BRAF: variants seen among roughly 807,000 people sequenced by gnomAD.
BRAF encodes the protein serine/threonine-protein kinase B-raf.
Under a neutral mutation model 104.6 loss-of-function variants are expected in BRAF, and 16 were observed. That is an observed-to-expected ratio of 0.15 (90% CI 0.10 to 0.23). The LOEUF is 0.23. Among genes scored for constraint, BRAF ranks in the 10% least tolerant of loss-of-function variants. BRAF has a pLI of 1.00. For synonymous variants in BRAF, 310 were observed against 341.6 expected (o/e 0.91, Z 1.02); for missense variants, 541 against 937.3 (o/e 0.58, Z 5.52).
chr7:140,756,054 G>T (rs1257048695), intron 14 of BRAF, among the ~76,000 whole-genome samples: 1 of 152,066 alleles, frequency 6.6e-6, no homozygotes, highest in Non-Finnish European at 1.5e-5. Flanking sequence ...GAGGAATATA[G>T]CAAGAATAGA....
chr7:140,855,053 T>A (rs1253231032), intron 1 of BRAF, among the ~76,000 whole-genome samples: 1 of 152,090 alleles, frequency 6.6e-6, no homozygotes, highest in Admixed American at 6.6e-5. Flanking sequence ...TAATTTTATA[T>A]CCGAAGAATA....
chr7:140,776,586 T>C (rs968738275), intron 14 of BRAF, among the ~76,000 whole-genome samples: 2 of 152,234 alleles, frequency 1.3e-5, no homozygotes, highest in Non-Finnish European at 2.9e-5. Flanking sequence ...CCATTCTGTT[T>C]ACTTGCACAA....
At position 140,724,320 on chromosome 7, in the gene BRAF, A is replaced by G; in HGVS notation, c.*2174T>C. On this transcript the variant is annotated 3_prime_UTR_variant, in exon 20 of 20. Transcript: ENST00000644969. ...AGGTCTCTCTACCTGCGGAAACTTG[A>G]AGCCAATCTTGGTAAAGGGAACACA... 9.5e-7 allele frequency: 1 copy of G among 1,056,246 alleles called. No individual in the cohort carries two copies. The highest frequency in any genetic ancestry group is 1.1e-6 in the Non-Finnish European group (1 of 873,630). The allele number at this position is 1,056,246 out of a possible 1,614,324, so 65.4% of individuals were successfully genotyped here. A position where few individuals can be genotyped will look rare whatever the true frequency, so the allele number is the denominator to read the frequency against.
Position 140,724,191 on chromosome 7 carries a change from A to T in BRAF, c.*2303T>A. ...ACTGAAATGCTAAGCTTCCTCCCTA[A>T]TGGTACCGCCCCTGCCCCTGCCCCA... On this transcript the variant is annotated 3_prime_UTR_variant, in exon 20 of 20. Coordinates refer to ENST00000644969, the MANE Select transcript of BRAF (RefSeq NM_001374258.1). The T allele has an allele frequency of 1.0e-5, 11 of 1,055,726 alleles. No homozygotes were observed. The highest frequency in any genetic ancestry group is 1.3e-5 in the Non-Finnish European group (11 of 873,340). 65.4% of individuals were successfully genotyped at this position (1,055,726 alleles called of 1,614,324 possible).
intron 8 of BRAF, among the ~76,000 whole-genome samples, 172 bp downstream of exon 8, chr7:140,794,136 T>C (rs1321501746): frequency 2.6e-5 from 4 of 152,192 alleles, no homozygotes; most frequent in African/African-American, 9.7e-5. Context: ...TTTAATGTCA[T>C]CAGAGAGAAA....
chr7:140,799,260 T>A, intron 7 of BRAF: 1 of 232,002 alleles, frequency 4.3e-6, no homozygotes, highest in Non-Finnish European at 8.5e-6. Flanking sequence ...TTTTCCATAC[T>A]TCTAGCACTT....
intron 1 of BRAF, among the ~76,000 whole-genome samples, 167 bp from the exon 2 acceptor site, chr7:140,850,379 A>AT (rs1562994611): frequency 6.6e-6 from 1 of 152,104 alleles, no homozygotes; most frequent in African/African-American, 2.4e-5. Context: ...ACATCTTTAA[A>AT]TTTTTTTCTA....
At chr7:140,923,764 G>T (rs995268467) in intron 1 of BRAF, among the ~76,000 whole-genome samples, 1 of 152,178 alleles carries the variant, frequency 6.6e-6, no homozygotes, top group South Asian at 2.1e-4. Context: ...GTGAGATCAA[G>T]TACAGAGCCT....
rs1795606876 is a variant in BRAF at position 140,726,555 on chromosome 7, T to C, written c.2402-39A>G. 2.7e-6 allele frequency: 4 copies of C among 1,480,760 alleles called. No individual in the cohort carries two copies. The African/African-American group carries it at 4.2e-5, about 15-fold the overall frequency. The allele number at this position is 1,480,760 out of a possible 1,614,324, so 91.7% of individuals were successfully genotyped here. ...ACAAGAGCTAATTTTAAAAAAGTCA[T>C]CTCAAATAACCTAGAGACACAGAAA... On this transcript the variant is annotated intron_variant, in intron 19 of 19. Coordinates refer to ENST00000644969, the MANE Select transcript of BRAF (RefSeq NM_001374258.1).
chr7:140,852,376 A>C (rs1267607), intron 1 of BRAF, among the ~76,000 whole-genome samples: 1 of 144,400 alleles, frequency 6.9e-6, no homozygotes, highest in Admixed American at 6.9e-5. Flanking sequence ...TTCTACCGCC[A>C]CCCCACAACC....
At chr7:140,792,363 T>C (rs1032621924) in intron 8 of BRAF, among the ~76,000 whole-genome samples, 2 of 152,226 alleles carry the variant, frequency 1.3e-5, no homozygotes, top group African/African-American at 2.4e-5. Context: ...TCCCTAGCAC[T>C]GCTTTAGATT....
chr7:140,747,950 C>T (rs1321221261), intron 17 of BRAF, among the ~76,000 whole-genome samples: 4 of 152,198 alleles, frequency 2.6e-5, no homozygotes, highest in African/African-American at 4.8e-5. Context: ...TGTTGTTACA[C>T]ACTCAAAGCT....
chr7:140,889,082 C>T (rs2129113330), intron 1 of BRAF, among the ~76,000 whole-genome samples: 1 of 152,264 alleles, frequency 6.6e-6, no homozygotes, highest in African/African-American at 2.4e-5. Flanking sequence ...CACTCAACTG[C>T]AGATCATAAC....
chr7:140,796,679 T>TTG (rs1802525960), intron 7 of BRAF, among the ~76,000 whole-genome samples: 1 of 152,224 alleles, frequency 6.6e-6, no homozygotes, highest in Non-Finnish European at 1.5e-5. Context: ...TATCTAATAG[T>TTG]TGTGTCTTGG....
At chr7:140,764,120 C>A (rs1017390729) in intron 14 of BRAF, among the ~76,000 whole-genome samples, 2 of 152,152 alleles carry the variant, frequency 1.3e-5, no homozygotes, top group African/African-American at 4.8e-5. Context: ...GGCTTCATCC[C>A]TGGGATGCAA....
intron 14 of BRAF, among the ~76,000 whole-genome samples, chr7:140,772,662 T>C (rs1443114504): frequency 6.6e-6 from 1 of 152,044 alleles, no homozygotes; most frequent in African/African-American, 2.4e-5. Context: ...TAGTGTGCTT[T>C]AGTCATTGAC....
chr7:140,760,355 G>A (rs1396667412), intron 14 of BRAF, among the ~76,000 whole-genome samples: 1 of 150,854 alleles, frequency 6.6e-6, no homozygotes, highest in African/African-American at 2.4e-5. Context: ...AGAGGTTGTA[G>A]TGAGCTGAGA....
chr7:140,788,180 CT>C (rs1021885460), intron 8 of BRAF, among the ~76,000 whole-genome samples: 1 of 151,964 alleles, frequency 6.6e-6, no homozygotes, highest in African/African-American at 2.4e-5. Flanking sequence ...TTCATCAATC[CT>C]TAAAAAAAAT....
chr7:140,795,502 C>T (rs934508033), intron 7 of BRAF, among the ~76,000 whole-genome samples: 1 of 151,808 alleles, frequency 6.6e-6, no homozygotes, highest in Non-Finnish European at 1.5e-5. Context: ...GCTAGAAAGA[C>T]AATGTTGAGG....
Sources: gnomAD v4.1 joint callset for allele counts (sites outside exome capture counted in the v4.1 genomes callset) on GRCh38, gnomAD v4.1.1 for gene constraint, MANE v1.5 for transcripts, NCBI Gene and HGNC (gene_info 2026-07-23, HGNC 2026-07-21) for gene names.